The following CDH12 variants were observed in gnomAD, a reference collection of about 807,000 sequenced individuals.
CDH12 encodes the protein cadherin 12.
CDH12 carries 41 observed loss-of-function variants against 74.1 expected under a neutral mutation model. That is an observed-to-expected ratio of 0.55 (90% CI 0.43 to 0.72). The LOEUF (loss-of-function observed/expected upper bound fraction) is 0.72. CDH12 is among the 30% of genes least tolerant of loss of function. The pLI, the probability that CDH12 is intolerant of heterozygous loss-of-function variation, is 0.00. For missense variants in CDH12, 945 were observed against 977.2 expected (o/e 0.97, Z 0.44); for synonymous variants, 399 against 355.0 (o/e 1.12, Z -1.39).
chr5:22,550,555 T>C (rs780818814), intron 1 of CDH12, among the ~76,000 whole-genome samples: 1 of 152,176 alleles, frequency 6.6e-6, no homozygotes, highest in African/African-American at 2.4e-5. Context: ...ACAAGTCGAT[T>C]CTAACACCAA....
rs569672149 is a variant in CDH12, at chr5:22,403,371, T to C, written c.-333+1886A>G. Among the ~76,000 whole-genome samples the C allele has an allele frequency of 6.3e-4, 96 of 152,150 alleles. 1 individual carries two copies. Among genetic ancestry groups the C allele is most frequent in the African/African-American group, 2.1e-3 (87 of 41,514 alleles). Reference sequence around the variant, plus strand: ...AAAGTCAGCTTTTGCACCAAAGGAGTCTGCTCCAGAGAATTAATCAATCAA... The same window carrying C: ...AAAGTCAGCTTTTGCACCAAAGGAGCCTGCTCCAGAGAATTAATCAATCAA... On this transcript the variant is annotated intron_variant, in intron 3 of 14. Transcript: ENST00000382254.
intron 5 of CDH12, among the ~76,000 whole-genome samples, chr5:21,984,104 T>C (rs904115584): frequency 1.1e-4 from 16 of 152,154 alleles, no homozygotes; most frequent in Non-Finnish European, 1.5e-4. Flanking sequence ...GAGTTTCCTG[T>C]TCATATTTAA....
chr5:22,672,788 G>A (rs186014728), intron 1 of CDH12, among the ~76,000 whole-genome samples: 29 of 152,278 alleles, frequency 1.9e-4, no homozygotes, highest in Non-Finnish European at 4.4e-5. Context: ...TAAATTGGCA[G>A]TGTTTGAATT....
At chr5:22,181,848 T>C (rs571273242) in intron 4 of CDH12, among the ~76,000 whole-genome samples, 2 of 152,144 alleles carry the variant, frequency 1.3e-5, no homozygotes, top group Non-Finnish European at 2.9e-5. Context: ...CATCCATATA[T>C]GAGTACTTAA....
At chr5:21,768,114 T>C (rs534448973) in intron 11 of CDH12, among the ~76,000 whole-genome samples, 1 of 151,932 alleles carries the variant, frequency 6.6e-6, no homozygotes, top group South Asian at 2.1e-4. Flanking sequence ...GGAAATTTAA[T>C]TATGAACCTA....
At chr5:21,838,965 G>A (rs1316829396) in intron 8 of CDH12, among the ~76,000 whole-genome samples, 2 of 152,090 alleles carry the variant, frequency 1.3e-5, no homozygotes, top group Non-Finnish European at 1.5e-5. Context: ...TGTGAATGAG[G>A]ATATTGACAT....
intron 6 of CDH12, among the ~76,000 whole-genome samples, chr5:21,875,130 G>A (rs1751860804): frequency 6.6e-6 from 1 of 152,104 alleles, no homozygotes; most frequent in Non-Finnish European, 1.5e-5. Context: ...ACCATTGGTG[G>A]GCATGTAAAT....
chr5:22,445,508 G>C (rs535752588), intron 2 of CDH12, among the ~76,000 whole-genome samples: 1 of 152,002 alleles, frequency 6.6e-6, no homozygotes, highest in Non-Finnish European at 1.5e-5. Context: ...TGAAATCTTC[G>C]CTTATTTTTG....
At chr5:22,743,273 T>TATATATATATAC (rs1553997536) in intron 1 of CDH12, among the ~76,000 whole-genome samples, 1 of 144,808 alleles carries the variant, frequency 6.9e-6, no homozygotes, top group South Asian at 2.1e-4. Flanking sequence ...TATATATATA[T>TATATATATATAC]ATATATATGT....
At chr5:21,817,459 T>A (rs984126829) in intron 8 of CDH12, among the ~76,000 whole-genome samples, 2 of 151,970 alleles carry the variant, frequency 1.3e-5, no homozygotes, top group Non-Finnish European at 2.9e-5. Context: ...GGACTATTCA[T>A]GAAATTAATT....
chr5:22,183,405 C>A (rs1481943131), intron 4 of CDH12, among the ~76,000 whole-genome samples: 3 of 152,058 alleles, frequency 2.0e-5, no homozygotes, highest in African/African-American at 7.2e-5. Flanking sequence ...GAAGTTATAG[C>A]ACAGACTACT....
At chr5:22,108,806 GT>G (rs1258122136) in intron 4 of CDH12, among the ~76,000 whole-genome samples, 1 of 152,130 alleles carries the variant, frequency 6.6e-6, no homozygotes, top group African/African-American at 2.4e-5. Flanking sequence ...TATGTCTTAT[GT>G]CACATTAGGC....
At chr5:22,310,896 T>C (rs1738360560) in intron 3 of CDH12, among the ~76,000 whole-genome samples, 2 of 152,354 alleles carry the variant, frequency 1.3e-5, no homozygotes, top group Non-Finnish European at 1.5e-5. Context: ...CAGATGGTCC[T>C]TCTTACCCAG....
chr5:21,964,211 C>T (rs1269316700), intron 6 of CDH12, among the ~76,000 whole-genome samples: 1 of 151,850 alleles, frequency 6.6e-6, no homozygotes, highest in African/African-American at 2.4e-5. Flanking sequence ...ACTCTAAATC[C>T]CCACAGGAGA....
intron 1 of CDH12, among the ~76,000 whole-genome samples, chr5:22,606,606 G>A (rs1022265360): frequency 6.6e-6 from 1 of 152,154 alleles, no homozygotes; most frequent in African/African-American, 2.4e-5. Context: ...ATGACTGTAA[G>A]TTTCATGAGG....
intron 9 of CDH12, among the ~76,000 whole-genome samples, chr5:21,806,753 A>T (rs544866602): frequency 9.8e-5 from 15 of 152,328 alleles, no homozygotes; most frequent in African/African-American, 2.9e-4. Context: ...TATGACAGTG[A>T]GGGAAGTCTA....
At chr5:22,107,610 C>T (rs1383869276) in intron 4 of CDH12, among the ~76,000 whole-genome samples, 1 of 151,742 alleles carries the variant, frequency 6.6e-6, no homozygotes, top group African/African-American at 2.4e-5. Context: ...AGATTAATTA[C>T]TTTGGTAAAA....
At chr5:22,220,991 T>TAAAC (rs1751994143) in intron 3 of CDH12, among the ~76,000 whole-genome samples, 1 of 150,164 alleles carries the variant, frequency 6.7e-6, no homozygotes, top group African/African-American at 2.4e-5. Context: ...CTTCATCAAA[T>TAAAC]ACACACACAC....
intron 4 of CDH12, among the ~76,000 whole-genome samples, chr5:22,189,654 A>G (rs1176469577): frequency 2.0e-5 from 3 of 152,220 alleles, no homozygotes; most frequent in African/African-American, 7.2e-5. Flanking sequence ...TTATAAAAAC[A>G]TTTATTTGTT....
Sources: gnomAD v4.1 joint callset for allele counts (sites outside exome capture counted in the v4.1 genomes callset) on GRCh38, gnomAD v4.1.1 for gene constraint, MANE v1.5 for transcripts, NCBI Gene and HGNC (gene_info 2026-07-23, HGNC 2026-07-21) for gene names.